N4BP2L2: variants seen among roughly 807,000 people sequenced by gnomAD.
The protein encoded by N4BP2L2 is NEDD4-binding protein 2-like 2.
N4BP2L2 carries 50 observed loss-of-function variants against 56.2 expected under a neutral mutation model. That is an observed-to-expected ratio of 0.89 (90% CI 0.71 to 1.13). The LOEUF is 1.13. N4BP2L2 is among the 50% of genes most tolerant of loss of function. The pLI, the probability that N4BP2L2 is intolerant of heterozygous loss-of-function variation, is 0.00. For missense variants in N4BP2L2, 689 were observed against 693.8 expected (o/e 0.99, Z 0.08); for synonymous variants, 203 against 223.6 (o/e 0.91, Z 0.82).
At chr13:32,500,271 T>C (rs983129268) in intron 6 of N4BP2L2, among the ~76,000 whole-genome samples, 1 of 152,202 alleles carries the variant, frequency 6.6e-6, no homozygotes, top group Non-Finnish European at 1.5e-5. Context: ...TGAACAATTA[T>C]TTAACTATTG....
At chr13:32,472,150 G>A (rs746105061) in intron 6 of N4BP2L2, among the ~76,000 whole-genome samples, 13 of 152,158 alleles carry the variant, frequency 8.5e-5, no homozygotes, top group Admixed American at 2.0e-4. Flanking sequence ...ATCGTAAAGA[G>A]CGGATTAATA....
chr13:32,459,706 A>G, intron 6 of N4BP2L2, among the ~76,000 whole-genome samples: 1 of 152,132 alleles, frequency 6.6e-6, no homozygotes, highest in Non-Finnish European at 1.5e-5. Context: ...CTTATAACGA[A>G]CATCCTATGC....
intron 5 of N4BP2L2, 67 bp from the exon 6 acceptor site, chr13:32,518,070 T>TA: frequency 7.0e-7 from 1 of 1,420,332 alleles, no homozygotes; most frequent in Non-Finnish European, 9.5e-7. Flanking sequence ...TTAACTGTTT[T>TA]AGAGAAAAAG....
intron 6 of N4BP2L2, among the ~76,000 whole-genome samples, chr13:32,460,819 A>G (rs568157020): frequency 6.6e-6 from 1 of 152,230 alleles, no homozygotes; most frequent in East Asian, 1.9e-4. Flanking sequence ...CAAATGAACA[A>G]AAAATAAAAA....
chr13:32,536,443 T>C (rs755450837), exon 2 of N4BP2L2: 1 of 1,613,546 alleles, frequency 6.2e-7, no homozygotes, highest in Non-Finnish European at 8.5e-7. Context: ...AAGGTTCAGA[T>C]TCTTTACAAC....
intron 9 of N4BP2L2, among the ~76,000 whole-genome samples, chr13:32,435,210 A>C (rs1465528204): frequency 6.6e-6 from 1 of 152,172 alleles, no homozygotes; most frequent in East Asian, 1.9e-4. Flanking sequence ...TCAGTGTCTG[A>C]CATGAGCACC....
rs574173761 is a variant in N4BP2L2, at chr13:32,471,132, G to A, written c.366-27006C>T. Among the ~76,000 whole-genome samples the A allele has an allele frequency of 2.0e-5, 3 of 152,290 alleles. No homozygotes were observed. In the East Asian group the frequency reaches 5.8e-4, roughly 29 times the overall value. The stretch of plus-strand genomic sequence containing the variant: ...TTTATCAAAGCTTATGTATGTAACG[G>A]GCCTGTGTGTCCAGAAGCTTATGTA... On this transcript the variant is annotated intron_variant, in intron 6 of 9. Transcript: ENST00000357505.
chr13:32,463,528 G>A (rs2080600601), intron 6 of N4BP2L2, among the ~76,000 whole-genome samples: 1 of 152,030 alleles, frequency 6.6e-6, no homozygotes, highest in Non-Finnish European at 1.5e-5. Flanking sequence ...GCCAGGCATG[G>A]TGGCAGGCGC....
chr13:32,477,186 G>A (rs1330623997), intron 6 of N4BP2L2: 1 of 493,270 alleles, frequency 2.0e-6, no homozygotes, highest in Non-Finnish European at 3.8e-6. Context: ...TTTCTCCTTG[G>A]GCAGTCAGAA....
intron 4 of N4BP2L2, chr13:32,521,971 G>A (rs919507630): frequency 1.7e-5 from 8 of 476,672 alleles, no homozygotes; most frequent in East Asian, 8.3e-5. Context: ...GCGAGACTCC[G>A]TCTCAAAAAA....
At chr13:32,465,282 C>A (rs2081026620) in intron 6 of N4BP2L2, among the ~76,000 whole-genome samples, 1 of 152,030 alleles carries the variant, frequency 6.6e-6, no homozygotes, top group African/African-American at 2.4e-5. Flanking sequence ...AGAAAAAATT[C>A]TTCTTCACAG....
intron 6 of N4BP2L2, among the ~76,000 whole-genome samples, chr13:32,458,642 ATAT>A (rs2079424307): frequency 6.6e-6 from 1 of 152,234 alleles, no homozygotes; most frequent in Non-Finnish European, 1.5e-5. Context: ...TATAAAGCTA[ATAT>A]TATTAGATCT....
At chr13:32,457,826 G>C (rs1420541101) in intron 6 of N4BP2L2, among the ~76,000 whole-genome samples, 1 of 152,090 alleles carries the variant, frequency 6.6e-6, no homozygotes, top group East Asian at 1.9e-4. Flanking sequence ...ATGAAAAAGA[G>C]AAGGGATTCA....
chr13:32,517,412 G>A (rs2049471331), exon 6 of N4BP2L2: 13 of 998,030 alleles, frequency 1.3e-5, no homozygotes, highest in Non-Finnish European at 1.6e-5. Flanking sequence ...CATATTTAAG[G>A]TAGTGAAGGA....
intron 6 of N4BP2L2, among the ~76,000 whole-genome samples, chr13:32,500,055 G>A (rs1399850929): frequency 6.6e-6 from 1 of 152,108 alleles, no homozygotes; most frequent in Non-Finnish European, 1.5e-5. Flanking sequence ...GGTGTTTTCT[G>A]AGACTTTTAG....
At chr13:32,462,861 TAAAAAAAAAAAAAAAAA>T (rs569068082) in intron 6 of N4BP2L2, among the ~76,000 whole-genome samples, 3 of 51,114 alleles carry the variant, frequency 5.9e-5, no homozygotes, top group East Asian at 1.0e-3. Context: ...CTGTCTTTAC[TAAAAAAAAAAAAAAAAA>T]AAAAAAAAAA....
At chr13:32,468,948 C>A (rs904098164) in intron 6 of N4BP2L2, among the ~76,000 whole-genome samples, 16 of 152,192 alleles carry the variant, frequency 1.1e-4, no homozygotes, top group African/African-American at 2.9e-4. Context: ...GTGGCAGGAG[C>A]TGCAGAGCTG....
rs140097916 is a variant in N4BP2L2 at position 32,437,041 on chromosome 13, C to T, written c.2191-636G>A. ...GATTACAGGCAAGTGCCACCACACACGGCTAATTTTTTTGTGTTTTTAGTA... is the reference window on the plus strand; with the variant it reads ...GATTACAGGCAAGTGCCACCACACATGGCTAATTTTTTTGTGTTTTTAGTA... On this transcript the variant is annotated intron_variant, in intron 8 of 9. Transcript: ENST00000357505. Among the ~76,000 whole-genome samples, 1,452 of 151,940 alleles carry T rather than the reference C, an allele frequency of 9.6e-3. 26 individuals carry two copies. The highest frequency in any genetic ancestry group is 0.033 in the African/African-American group (1,379 of 41,466).
chr13:32,528,317 G>A (rs1048900392), intron 2 of N4BP2L2, among the ~76,000 whole-genome samples: 5 of 152,190 alleles, frequency 3.3e-5, no homozygotes, highest in Admixed American at 3.3e-4. Context: ...ATCCTCTAGT[G>A]AAAGTCGGAA....
Sources: allele counts gnomAD v4.1 joint callset (sites outside exome capture counted in the v4.1 genomes callset), GRCh38; gene constraint gnomAD v4.1.1; transcripts MANE v1.5; gene names NCBI Gene and HGNC (gene_info 2026-07-23, HGNC 2026-07-21).